The following ASTN1 variants were observed in gnomAD, a reference collection of about 807,000 sequenced individuals.
The protein encoded by ASTN1 is astrotactin 1.
Under a neutral mutation model 140.7 loss-of-function variants are expected in ASTN1, and 41 were observed. The ratio of observed to expected loss-of-function variants is 0.29; its 90% CI spans 0.23 to 0.38. The LOEUF is 0.38. Among genes scored for constraint, ASTN1 ranks in the 10% least tolerant of loss-of-function variants. ASTN1 has a pLI of 1.00. For synonymous variants in ASTN1, 640 were observed against 652.2 expected, an observed-to-expected ratio of 0.98 and a Z score of 0.29; for missense variants, 1,479 against 1,678.8, an observed-to-expected ratio of 0.88 and a Z score of 2.08.
At chr1:177,048,494 A>G (rs2102009026) in intron 2 of ASTN1, among the ~76,000 whole-genome samples, 1 of 152,354 alleles carries the variant, frequency 6.6e-6, no homozygotes, top group South Asian at 2.1e-4. Context: ...CATAAGAAAG[A>G]ATTATATTAT....
chr1:177,091,471 T>A (rs1214619995), intron 1 of ASTN1, among the ~76,000 whole-genome samples: 4 of 152,214 alleles, frequency 2.6e-5, no homozygotes, highest in South Asian at 2.1e-4. Flanking sequence ...CTGACTGTCA[T>A]CTTTGCTATC....
chr1:177,112,105 T>C (rs1175845758), intron 1 of ASTN1, among the ~76,000 whole-genome samples: 3 of 152,230 alleles, frequency 2.0e-5, no homozygotes, highest in African/African-American at 4.8e-5. Flanking sequence ...CCTCTATATG[T>C]GCAATCTGGG....
intron 1 of ASTN1, 29 bp downstream of exon 1, chr1:177,164,365 C>G (rs773781847): frequency 3.6e-5 from 56 of 1,536,906 alleles, no homozygotes; most frequent in Non-Finnish European, 4.6e-5. Context: ...CCAGCGCCTC[C>G]GGCCGCCTCG....
chr1:176,892,474 C>T (rs879353208), intron 17 of ASTN1, among the ~76,000 whole-genome samples: 14 of 152,150 alleles, frequency 9.2e-5, no homozygotes, highest in Admixed American at 9.2e-4. Context: ...GTCTCCAGTT[C>T]AGGCAACTTA....
chr1:177,116,188 A>G (rs900887771), intron 1 of ASTN1, among the ~76,000 whole-genome samples: 4 of 152,148 alleles, frequency 2.6e-5, no homozygotes, highest in Admixed American at 2.6e-4. Context: ...AGACTGCTAT[A>G]TTACCACTCC....
intron 1 of ASTN1, among the ~76,000 whole-genome samples, chr1:177,161,961 G>C (rs1460152098): frequency 6.6e-6 from 1 of 152,138 alleles, no homozygotes; most frequent in Non-Finnish European, 1.5e-5. Flanking sequence ...TTGAGGGCAA[G>C]AGACTTTTTT....
At chr1:177,032,898 C>T (rs772130614) in intron 2 of ASTN1, 49 bp from the exon 3 acceptor site, 6 of 1,517,790 alleles carry the variant, frequency 4.0e-6, no homozygotes, top group Admixed American at 4.0e-5. Context: ...GTAGGCTCTT[C>T]CCACAAAGAG....
chr1:176,957,941 T>A, intron 10 of ASTN1, 113 bp from the exon 11 acceptor site: 1 of 1,305,096 alleles, frequency 7.7e-7, no homozygotes, highest in Non-Finnish European at 1.0e-6. Flanking sequence ...TCACTCTGTC[T>A]TATAAAAATT....
At chr1:176,935,045 A>C (rs1671379809) in intron 15 of ASTN1, among the ~76,000 whole-genome samples, 1 of 152,148 alleles carries the variant, frequency 6.6e-6, no homozygotes, top group Non-Finnish European at 1.5e-5. Flanking sequence ...CTGCAGGCAA[A>C]TCTTCTTGGA....
intron 17 of ASTN1, among the ~76,000 whole-genome samples, chr1:176,891,345 T>A (rs1340332182): frequency 6.6e-6 from 1 of 152,246 alleles, no homozygotes; most frequent in Non-Finnish European, 1.5e-5. Context: ...TATCTATTTA[T>A]GCATCTATTC....
chr1:177,028,390 G>A (rs1332368017), intron 5 of ASTN1, among the ~76,000 whole-genome samples: 2 of 152,106 alleles, frequency 1.3e-5, no homozygotes, highest in African/African-American at 2.4e-5. Context: ...GAGCCACAAT[G>A]ATCTCTTGAG....
At position 176,861,720 on chromosome 1, in the gene ASTN1, T is replaced by TG. The variant is rs1487568271; in HGVS notation, c.*2563dup. ...TGTGTACATACATACACACATTCAG[T>TG]GGGGAGAACTCAACGAGAAACAGGA... On this transcript the variant is annotated 3_prime_UTR_variant, in exon 23 of 23. Transcript: ENST00000361833. 2.4e-5 allele frequency: 24 copies of TG among 985,028 alleles called. No individual in the cohort carries two copies. The African/African-American group carries it at 4.0e-4, about 17-fold the overall frequency. 61.0% of individuals were successfully genotyped at this position (985,028 alleles called of 1,614,324 possible). A position where few individuals can be genotyped will look rare whatever the true frequency, so the allele number is the denominator to read the frequency against.
rs544079715 is a variant in ASTN1 at position 176,943,976 on chromosome 1, A to T, written c.2292T>A (p.Asp764Glu). 1.9e-5 allele frequency: 31 copies of T among 1,614,144 alleles called. No individual in the cohort carries two copies. In the South Asian group the frequency reaches 3.0e-4, roughly 15 times the overall value. ...GGGGCACAGTGGCCACCACAAGACC[A>T]TCTGGCAGTTGCTGGTCTAAACCAC... ...FARGLDQQLP[D>E]GLVVATVPLE... The change falls in exon 14 of 23, where the codon GAT (aspartate) becomes GAA (glutamate). Residue 764 changes from aspartate (D) to glutamate (E), a missense_variant. By Grantham distance (45) the Asp-to-Glu change is conservative. Coordinates refer to ENST00000361833, the MANE Select transcript of ASTN1 (RefSeq NM_004319.3).
intron 22 of ASTN1, among the ~76,000 whole-genome samples, chr1:176,864,869 T>C (rs1258008299): frequency 2.0e-5 from 3 of 152,208 alleles, no homozygotes; most frequent in Non-Finnish European, 4.4e-5. Flanking sequence ...AAGCTAGTCA[T>C]TTATCATCAC....
chr1:176,948,000 C>T (rs950199095), intron 12 of ASTN1, among the ~76,000 whole-genome samples: 1 of 152,284 alleles, frequency 6.6e-6, no homozygotes, highest in African/African-American at 2.4e-5. Context: ...GAGCAAGCTT[C>T]CATTTATGGT....
At chr1:177,154,657 T>C (rs537900855) in intron 1 of ASTN1, among the ~76,000 whole-genome samples, 1 of 145,118 alleles carries the variant, frequency 6.9e-6, no homozygotes, top group African/African-American at 2.8e-5. Context: ...TATTGACTTA[T>C]TGCAAGAACA....
chr1:177,127,232 A>C (rs921225446), intron 1 of ASTN1, among the ~76,000 whole-genome samples: 1 of 152,108 alleles, frequency 6.6e-6, no homozygotes, highest in Admixed American at 6.5e-5. Flanking sequence ...ACATTCCTGT[A>C]TGTGGAAGAC....
rs1476468631 is a variant in ASTN1, at chr1:176,943,953, G to A, written c.2315C>T (p.Pro772Leu). 3 of 1,613,906 alleles carry A rather than the reference G, an allele frequency of 1.9e-6. No homozygotes were observed. Among genetic ancestry groups the A allele is most frequent in the African/African-American group, 2.7e-5 (2 of 74,912 alleles). ...CTCCTCTAGGCATTGATTCTCCAGG[G>A]GCACAGTGGCCACCACAAGACCATC... ...LPDGLVVATV[P>L]LENQCLEEIS... Residue 772 changes from proline (P) to leucine (L), a missense_variant, in exon 14 of 23, where the codon CCC (proline) becomes CTC (leucine). By Grantham distance (98) the Pro-to-Leu change is moderately conservative. Transcript: ENST00000361833.
chr1:176,984,320 A>G (rs1472847601), intron 8 of ASTN1, among the ~76,000 whole-genome samples: 2 of 152,162 alleles, frequency 1.3e-5, no homozygotes, highest in Non-Finnish European at 2.9e-5. Flanking sequence ...TCTTTCTCCA[A>G]TTTTAAGTGA....
Sources: gnomAD v4.1 joint callset for allele counts (sites outside exome capture counted in the v4.1 genomes callset) on GRCh38, gnomAD v4.1.1 for gene constraint, MANE v1.5 for transcripts, NCBI Gene and HGNC (gene_info 2026-07-23, HGNC 2026-07-21) for gene names.